Variants in CKAP5 observed in about 807,000 individuals in gnomAD.
The protein encoded by CKAP5 is cytoskeleton associated protein 5, also known as cytoskeleton-associated protein 5.
Under a neutral mutation model 232.8 loss-of-function variants are expected in CKAP5, and 27 were observed. The observed-to-expected ratio is 0.12, with a 90% CI of 0.09 to 0.16. The LOEUF (loss-of-function observed/expected upper bound fraction) is 0.16, where lower values mean the gene tolerates loss of function less well. Among genes scored for constraint, CKAP5 ranks in the 10% least tolerant of loss-of-function variants. The pLI, the probability that CKAP5 is intolerant of heterozygous loss-of-function variation, is 1.00. For missense variants in CKAP5, 1,838 were observed against 2,424.7 expected (o/e 0.76, Z 5.08); for synonymous variants, 785 against 841.1 (o/e 0.93, Z 1.16).
chr11:46,779,528 A>G (rs1183570196), intron 20 of CKAP5, among the ~76,000 whole-genome samples: 1 of 146,614 alleles, frequency 6.8e-6, no homozygotes, highest in East Asian at 2.1e-4. Context: ...ACAGAGTCTC[A>G]GTATGTTGCC....
chr11:46,767,263 G>A (rs559636659), intron 27 of CKAP5, among the ~76,000 whole-genome samples: 6 of 152,156 alleles, frequency 3.9e-5, no homozygotes, highest in Admixed American at 2.0e-4. Flanking sequence ...CAGGTGATCC[G>A]CCTGCCTCGG....
chr11:46,820,955 C>T, intron 2 of CKAP5: 1 of 500,952 alleles, frequency 2.0e-6, no homozygotes, highest in Non-Finnish European at 3.5e-6. Flanking sequence ...ACTTACTTTT[C>T]ACTTCACTAA....
At chr11:46,809,108 G>A (rs1313440395) in intron 7 of CKAP5, among the ~76,000 whole-genome samples, 2 of 152,222 alleles carry the variant, frequency 1.3e-5, no homozygotes, top group Non-Finnish European at 2.9e-5. Context: ...AGTAGAAACG[G>A]AGAAAGGGGA....
At chr11:46,749,911 G>C (rs2065050573) in intron 42 of CKAP5, among the ~76,000 whole-genome samples, 1 of 146,510 alleles carries the variant, frequency 6.8e-6, no homozygotes, top group Non-Finnish European at 1.5e-5. Flanking sequence ...CGAGCAACAA[G>C]AGTGAAACTC....
chr11:46,795,665 C>A lies in CKAP5; in HGVS notation c.1579G>T (p.Ala527Ser). The A allele has an allele frequency of 6.2e-7, 1 of 1,614,130 alleles. No individual in the cohort carries two copies. Among genetic ancestry groups the A allele is most frequent in the South Asian group, 1.1e-5 (1 of 91,076 alleles). Residue 527 changes from alanine to serine, a missense_variant, in exon 13 of 44, where the codon GCA becomes TCA. By Grantham distance (99) the Ala-to-Ser change is moderately conservative (BLOSUM62 1). This residue lies in a region of CKAP5 where 767 missense variants were observed against 954.6 expected (regional missense o/e 0.80). Transcript: ENST00000529230. ...ATGTCCTTTGTGTCCTTATCTCCTG[C>A]AGCCCCTGAAGCAGCAGTCCTTCCA... ...LPGRTAASGA[A>S]GDKDTKDISA...
chr11:46,762,925 G>A (rs2065167898), intron 30 of CKAP5, 51 bp downstream of exon 30: 1 of 1,527,524 alleles, frequency 6.5e-7, no homozygotes, highest in African/African-American at 1.4e-5. Flanking sequence ...TACAGAAACT[G>A]AGGTCAGCTG....
intron 4 of CKAP5, among the ~76,000 whole-genome samples, chr11:46,815,175 C>CG (rs1387223345): frequency 3.3e-5 from 5 of 152,150 alleles, no homozygotes; most frequent in Middle Eastern, 6.8e-3. Context: ...CTCAGCCTTC[C>CG]GAGTAGCTGG....
intron 2 of CKAP5, among the ~76,000 whole-genome samples, chr11:46,818,893 T>C (rs537900239): frequency 6.6e-6 from 1 of 152,312 alleles, no homozygotes; most frequent in African/African-American, 2.4e-5. Context: ...TATTTTTGTA[T>C]AATCATTAGG....
At chr11:46,772,022 A>G (rs1392777068) in intron 24 of CKAP5, among the ~76,000 whole-genome samples, 1 of 133,476 alleles carries the variant, frequency 7.5e-6, no homozygotes, top group South Asian at 2.6e-4. Context: ...GTTGCTAATA[A>G]CACTGAGCAT....
At chr11:46,780,790 G>T (rs1421577180) in intron 18 of CKAP5, among the ~76,000 whole-genome samples, 7 of 151,804 alleles carry the variant, frequency 4.6e-5, no homozygotes, top group Non-Finnish European at 7.4e-5. Flanking sequence ...AATTTTTTTT[G>T]TTTGTTTGTT....
intron 1 of CKAP5, among the ~76,000 whole-genome samples, chr11:46,822,505 G>A (rs945017613): frequency 6.6e-6 from 1 of 152,070 alleles, no homozygotes; most frequent in Admixed American, 6.6e-5. Flanking sequence ...CGTAATCCCA[G>A]CAGTCTGGGA....
chr11:46,780,023 C>T (rs2065325982), intron 20 of CKAP5, among the ~76,000 whole-genome samples, 171 bp downstream of exon 20: 1 of 152,080 alleles, frequency 6.6e-6, no homozygotes, highest in Admixed American at 6.6e-5. Flanking sequence ...TTAGTGTGGA[C>T]ACCCAACTGG....
Position 46,780,235 on chromosome 11 carries a change from T to G in CKAP5, c.2392A>C (p.Lys798Gln). ...PSLRMFFEDE[K>Q]PALLSQIDAE... is the part of the protein sequence containing the mutation. ...TCTATCTGGGATAGGAGGGCAGGCT[T>G]CTCATCCTCAAAGAACATTCGCAAA... Residue 798 changes from lysine to glutamine, a missense_variant, in exon 20 of 44, where the codon AAG becomes CAG. By Grantham distance (53) the Lys-to-Gln change is moderately conservative. Coordinates refer to ENST00000529230, the MANE Select transcript of CKAP5 (RefSeq NM_001008938.4). The G allele has an allele frequency of 2.5e-6, 4 of 1,614,052 alleles. No homozygotes were observed. The highest frequency in any genetic ancestry group is 3.4e-6 in the Non-Finnish European group (4 of 1,179,972).
chr11:46,803,519 C>T (rs1431159161), intron 8 of CKAP5, among the ~76,000 whole-genome samples: 2 of 152,050 alleles, frequency 1.3e-5, no homozygotes, highest in Non-Finnish European at 2.9e-5. Context: ...CAGCCCGCCT[C>T]GGCCTCCCAA....
At position 46,778,178 on chromosome 11, in the gene CKAP5, A is replaced by T; in HGVS notation, c.2709T>A (p.Thr903=). The part of the protein sequence containing the change: ...FIQPNIGELP[T]ALKGRLNDSN... ...AATCATTGAGTCGACCCTTCAAGGC[A>T]GTTGGAAGTTCACCTATATTCGGTT... Residue 903 remains threonine (T), a synonymous_variant, in exon 22 of 44, where the codon ACT becomes ACA. Transcript: ENST00000529230. 6.2e-7 allele frequency: 1 copy of T among 1,614,118 alleles called. No homozygotes were observed. The highest frequency in any genetic ancestry group is 8.5e-7 in the Non-Finnish European group (1 of 1,180,000).
At chr11:46,794,225 G>A (rs748741473) in intron 13 of CKAP5, among the ~76,000 whole-genome samples, 32 of 152,216 alleles carry the variant, frequency 2.1e-4, no homozygotes, top group Non-Finnish European at 4.0e-4. Context: ...GGGAGGCGGA[G>A]GCAGGAGGAT....
At chr11:46,845,407 A>AT (rs745540453) in intron 1 of CKAP5, among the ~76,000 whole-genome samples, 10 of 152,134 alleles carry the variant, frequency 6.6e-5, no homozygotes, top group Non-Finnish European at 1.3e-4. Flanking sequence ...ACACGAATAT[A>AT]TTTTCTAACA....
intron 28 of CKAP5, 82 bp from the exon 29 acceptor site, chr11:46,763,712 G>A: frequency 1.1e-6 from 1 of 870,738 alleles, no homozygotes; most frequent in Non-Finnish European, 1.6e-6. Context: ...GCAGCTGCAG[G>A]AACAATAAAA....
chr11:46,748,379 G>C (rs1034263720), intron 42 of CKAP5, among the ~76,000 whole-genome samples: 1 of 152,280 alleles, frequency 6.6e-6, no homozygotes, highest in East Asian at 1.9e-4. Context: ...TTTGCAGGTA[G>C]AGCCAAAATA....
Sources: allele counts gnomAD v4.1 joint callset (sites outside exome capture counted in the v4.1 genomes callset), GRCh38; gene constraint gnomAD v4.1.1; regional missense constraint gnomAD v4.1.1; transcripts MANE v1.5; gene names NCBI Gene and HGNC (gene_info 2026-07-23, HGNC 2026-07-21).